The following GLIS3 variants were observed in gnomAD, a reference collection of about 807,000 sequenced individuals.
GLIS3 encodes the protein GLIS family zinc finger 3, also known as zinc finger protein GLIS3.
A neutral mutation model predicts 78.6 loss-of-function variants in GLIS3; 53 were observed. The observed-to-expected ratio is 0.67, with a 90% CI of 0.54 to 0.85. The LOEUF is 0.85. GLIS3 is among the 40% of genes least tolerant of loss of function. GLIS3 has a pLI of 0.00. For missense variants in GLIS3, 1,703 were observed against 1,231.1 expected (o/e 1.38, Z -5.74); for synonymous variants, 684 against 509.9 (o/e 1.34, Z -4.60).
intron 2 of GLIS3, among the ~76,000 whole-genome samples, chr9:4,264,991 C>A (rs1202830226): frequency 6.6e-6 from 1 of 150,870 alleles, no homozygotes; most frequent in African/African-American, 2.4e-5. Context: ...ATGGTGAAAC[C>A]CCATCTCTAC....
intron 6 of GLIS3, among the ~76,000 whole-genome samples, chr9:3,918,745 T>G (rs145693258): frequency 1.3e-5 from 2 of 152,238 alleles, no homozygotes; most frequent in Admixed American, 6.5e-5. Flanking sequence ...CACATGGCAT[T>G]GAAAACAAAA....
intron 4 of GLIS3, among the ~76,000 whole-genome samples, chr9:4,033,249 C>A (rs1472244844): frequency 3.3e-5 from 5 of 152,076 alleles, no homozygotes; most frequent in African/African-American, 1.2e-4. Context: ...CTCTTTCCAC[C>A]CTAAAATCTA....
chr9:4,270,769 C>T (rs990531183), intron 2 of GLIS3, among the ~76,000 whole-genome samples: 10 of 152,326 alleles, frequency 6.6e-5, no homozygotes, highest in South Asian at 2.1e-4. Context: ...CAGGCTGGAA[C>T]GATACCAATG....
intron 4 of GLIS3, among the ~76,000 whole-genome samples, chr9:4,075,090 G>C (rs1457908150): frequency 1.1e-5 from 1 of 94,896 alleles, no homozygotes; most frequent in East Asian, 3.3e-4. Flanking sequence ...AGACTGAGAT[G>C]AACAACAACA....
intron 2 of GLIS3, among the ~76,000 whole-genome samples, chr9:4,159,735 AAAG>A (rs1297087674): frequency 2.7e-5 from 4 of 149,174 alleles, no homozygotes; most frequent in Non-Finnish European, 6.0e-5. Context: ...AAAAAAAAAG[AAAG>A]AAAAGAAAAG....
chr9:4,102,182 A>G (rs1453321481), intron 4 of GLIS3, among the ~76,000 whole-genome samples: 1 of 152,204 alleles, frequency 6.6e-6, no homozygotes, highest in Non-Finnish European at 1.5e-5. Context: ...TTCTATAAGA[A>G]AACCCCAGGG....
chr9:4,125,391 C>T (rs1372112835), intron 3 of GLIS3, among the ~76,000 whole-genome samples: 1 of 152,084 alleles, frequency 6.6e-6, no homozygotes, highest in Non-Finnish European at 1.5e-5. Context: ...TGTACATGGA[C>T]CATGCAAATT....
rs1828020013 is a variant in GLIS3 at position 4,286,533 on chromosome 9, A to G, written c.-98-10T>C. The G allele has an allele frequency of 7.5e-7, 1 of 1,341,524 alleles. No homozygotes were observed. The highest frequency in any genetic ancestry group is 1.4e-5 in the African/African-American group (1 of 69,884). 83.1% of individuals were successfully genotyped at this position (1,341,524 alleles called of 1,614,324 possible). On this transcript the variant is annotated splice_polypyrimidine_tract_variant and intron_variant, in intron 1 of 10. Transcript: ENST00000381971. ...GGTGTGGGTTATAAGCCTGTTTAAA[A>G]AAATAAACGCAGGCATTTTTAAAAG...
In GLIS3 at chr9:3,970,149, C is replaced by T. The variant is rs750779963; in HGVS notation, c.1711-32960G>A. Among the ~76,000 whole-genome samples the T allele has an allele frequency of 3.9e-5, 6 of 152,186 alleles. No individual in the cohort carries two copies. The South Asian group carries it at 1.2e-3, about 31-fold the overall frequency. ...CAATTATTAAGGGTGGTTTTCAGAGCTGGTACACACATATAACCAGCAAAT... is the reference window on the plus strand; with the variant it reads ...CAATTATTAAGGGTGGTTTTCAGAGTTGGTACACACATATAACCAGCAAAT... On this transcript the variant is annotated intron_variant, in intron 4 of 10. Transcript: ENST00000381971.
intron 2 of GLIS3, among the ~76,000 whole-genome samples, chr9:4,340,414 C>A (rs931630500): frequency 2.6e-5 from 4 of 152,102 alleles, no homozygotes; most frequent in Admixed American, 6.5e-5. Context: ...AAAGGCAACT[C>A]AATTCCAGGA....
the GLIS3 span, among the ~76,000 whole-genome samples, chr9:4,421,318 G>C: frequency 6.6e-6 from 1 of 152,208 alleles, no homozygotes; most frequent in East Asian, 1.9e-4. Flanking sequence ...GGTGGTGAAG[G>C]CAAGCCTGGT....
intron 7 of GLIS3, among the ~76,000 whole-genome samples, chr9:3,882,154 C>G (rs77164317): frequency 1.5e-3 from 233 of 152,282 alleles, no homozygotes; most frequent in South Asian, 3.1e-3. Flanking sequence ...AAGACATCCT[C>G]GGTGCCTGGT....
At chr9:4,381,017 C>T in the GLIS3 span, among the ~76,000 whole-genome samples, 3 of 152,026 alleles carry the variant, frequency 2.0e-5, no homozygotes, top group Non-Finnish European at 4.4e-5. Context: ...GGTAAGTAGT[C>T]TCAGGGATGG....
At chr9:4,470,956 C>T in the GLIS3 span, among the ~76,000 whole-genome samples, 3 of 151,728 alleles carry the variant, frequency 2.0e-5, no homozygotes, top group African/African-American at 4.8e-5. Flanking sequence ...TCTTATACAC[C>T]AATAACAGAC....
intron 4 of GLIS3, among the ~76,000 whole-genome samples, chr9:4,113,715 C>G (rs1297313053): frequency 6.6e-6 from 1 of 152,110 alleles, no homozygotes; most frequent in Admixed American, 6.6e-5. Context: ...GCTTGTGTAC[C>G]CATACATCAG....
At position 3,898,591 on chromosome 9, in the gene GLIS3, C is replaced by T. The variant is rs775354523; in HGVS notation, c.2128+100G>A. 6 of 1,424,576 alleles carry T rather than the reference C, an allele frequency of 4.2e-6. No individual in the cohort carries two copies. In the Admixed American group the frequency reaches 8.6e-5, roughly 20 times the overall value. The allele number at this position is 1,424,576 out of a possible 1,614,324, so 88.2% of individuals were successfully genotyped here. On this transcript the variant is annotated intron_variant, in intron 7 of 10. Transcript: ENST00000381971. ...GCCCATTGATAAAGAACAACACAGA[C>T]GATCTTAGGAAAATTTTTCTCACGT...
intron 4 of GLIS3, among the ~76,000 whole-genome samples, chr9:4,013,824 A>G (rs1588453958): frequency 6.6e-6 from 1 of 152,304 alleles, no homozygotes; most frequent in Non-Finnish European, 1.5e-5. Context: ...TGGATGATCC[A>G]ACTGTGAAGG....
At chr9:4,020,105 G>T (rs993380715) in intron 4 of GLIS3, among the ~76,000 whole-genome samples, 4 of 152,062 alleles carry the variant, frequency 2.6e-5, no homozygotes, top group Admixed American at 6.6e-5. Context: ...TGACGTCTGA[G>T]AAAAGCCTTG....
At chr9:4,053,228 C>A (rs76659862) in intron 4 of GLIS3, among the ~76,000 whole-genome samples, 12 of 152,116 alleles carry the variant, frequency 7.9e-5, no homozygotes, top group Non-Finnish European at 1.6e-4. Flanking sequence ...TGATTACAGG[C>A]GTGAGCCACA....
Sources: allele counts gnomAD v4.1 joint callset (sites outside exome capture counted in the v4.1 genomes callset), GRCh38; gene constraint gnomAD v4.1.1; transcripts MANE v1.5; gene names NCBI Gene and HGNC (gene_info 2026-07-23, HGNC 2026-07-21).